Variants in NPLOC4 observed in about 807,000 individuals in gnomAD.
NPLOC4 encodes the protein nuclear protein localization protein 4 homolog.
NPLOC4 carries 18 observed loss-of-function variants against 80.6 expected under a neutral mutation model. That is an observed-to-expected ratio of 0.22 (90% CI 0.15 to 0.33). The LOEUF (loss-of-function observed/expected upper bound fraction) is 0.33. Among genes scored for constraint, NPLOC4 ranks in the 10% least tolerant of loss-of-function variants. The pLI is 1.00. For missense variants in NPLOC4, 540 were observed against 786.1 expected (o/e 0.69, Z 3.74); for synonymous variants, 313 against 301.5 (o/e 1.04, Z -0.39).
chr17:81,623,420 A>C (rs1228373782), intron 2 of NPLOC4, among the ~76,000 whole-genome samples: 3 of 136,430 alleles, frequency 2.2e-5, no homozygotes, highest in Non-Finnish European at 3.1e-5. Context: ...AGTCGAGATC[A>C]TGCCACTGCA....
chr17:81,566,147 C>T (rs913552047), intron 15 of NPLOC4, among the ~76,000 whole-genome samples: 2 of 152,134 alleles, frequency 1.3e-5, no homozygotes, highest in Non-Finnish European at 2.9e-5. Context: ...GCCTGGCAAA[C>T]GTGGCGAAAC....
intron 11 of NPLOC4, among the ~76,000 whole-genome samples, chr17:81,591,447 G>GAAAA (rs71367067): frequency 0.2 from 15,558 of 75,964 alleles, 2,759 homozygotes; most frequent in Non-Finnish European, 0.28. Context: ...GAGTAAAACA[G>GAAAA]AAAAAAAAAA....
At chr17:81,602,782 G>A (rs2035093469) in intron 8 of NPLOC4, among the ~76,000 whole-genome samples, 1 of 151,404 alleles carries the variant, frequency 6.6e-6, no homozygotes, top group Non-Finnish European at 1.5e-5. Context: ...GCTTATGCTT[G>A]TAATCCCAGA....
At chr17:81,621,351 A>G in intron 3 of NPLOC4, among the ~76,000 whole-genome samples, 1 of 152,204 alleles carries the variant, frequency 6.6e-6, no homozygotes, top group Middle Eastern at 3.2e-3. Flanking sequence ...TGTGAATCTA[A>G]AAGTGACCAA....
chr17:81,616,439 G>A (rs1476302750), intron 3 of NPLOC4, among the ~76,000 whole-genome samples: 1 of 151,706 alleles, frequency 6.6e-6, no homozygotes, highest in Non-Finnish European at 1.5e-5. Context: ...ATGTAGAAGA[G>A]TAACACATGG....
At chr17:81,575,476 G>A (rs1179824836) in intron 12 of NPLOC4, among the ~76,000 whole-genome samples, 1 of 152,196 alleles carries the variant, frequency 6.6e-6, no homozygotes, top group Non-Finnish European at 1.5e-5. Flanking sequence ...CACAGAACTG[G>A]CAGCTGGCAT....
chr17:81,636,102 A>T (rs1267239964), intron 1 of NPLOC4, among the ~76,000 whole-genome samples: 4 of 151,730 alleles, frequency 2.6e-5, no homozygotes, highest in Non-Finnish European at 4.4e-5. Flanking sequence ...CCTCCCAAGT[A>T]TCTGGGATTA....
In NPLOC4 at chr17:81,613,327, T is replaced by C; in HGVS notation, c.377A>G (p.Asp126Gly). The C allele has an allele frequency of 6.2e-7, 1 of 1,613,594 alleles. No homozygotes were observed. Among genetic ancestry groups the C allele is most frequent in the Non-Finnish European group, 8.5e-7 (1 of 1,179,740 alleles). Residue 126 changes from aspartate to glycine, a missense_variant, in exon 4 of 17, where the codon GAC (aspartate) becomes GGC (glycine). By Grantham distance (94) the Asp-to-Gly change is moderately conservative. Coordinates refer to ENST00000331134, the MANE Select transcript of NPLOC4 (RefSeq NM_017921.4). The part of the protein sequence containing the change: ...KQDGKIYRSR[D>G]PQLCRHGPLG... ...CTCATGGATCACTTACAGCTGTGGG[T>C]CTCGGCTTCTGTAAATCTTCCCGTC...
intron 6 of NPLOC4, among the ~76,000 whole-genome samples, chr17:81,608,134 G>T (rs1402935206): frequency 1.3e-5 from 2 of 152,238 alleles, no homozygotes; most frequent in African/African-American, 2.4e-5. Flanking sequence ...GTACCATGAG[G>T]ATTAGTGGCT....
intron 2 of NPLOC4, among the ~76,000 whole-genome samples, chr17:81,628,485 C>T (rs1313925288): frequency 6.6e-6 from 1 of 151,994 alleles, no homozygotes; most frequent in Non-Finnish European, 1.5e-5. Flanking sequence ...TGCACTCCAG[C>T]CTGGGCAACA....
chr17:81,565,602 G>A lies in NPLOC4; in HGVS notation c.1572C>T (p.Ser524=). The A allele has an allele frequency of 6.5e-7, 1 of 1,548,502 alleles. No individual in the cohort carries two copies. The highest frequency in any genetic ancestry group is 8.7e-7 in the Non-Finnish European group (1 of 1,147,762). ...GCACGGCCTCCAGCAGCAAGCTGAT[G>A]CTGTCCTACAAGAAGCCAAAAGGAA... is the stretch of plus-strand genomic sequence containing the variant. ...VTNEVMPLQD[S]ISLLLEAVRT... Residue 524 remains serine, a synonymous_variant, in exon 16 of 17, where the codon AGC becomes AGT. Coordinates refer to ENST00000331134, the MANE Select transcript of NPLOC4 (RefSeq NM_017921.4).
Position 81,600,421 on chromosome 17 carries a change from T to C in NPLOC4, c.841A>G (p.Thr281Ala), listed in dbSNP as rs1302677818. The C allele has an allele frequency of 2.5e-6, 4 of 1,611,384 alleles. No individual in the cohort carries two copies. Among genetic ancestry groups the C allele is most frequent in the African/African-American group, 1.3e-5 (1 of 74,808 alleles). Reference sequence around the variant, plus strand: ...TCAAGAAGCTCCAAGCTGTTCTGTGTACCAATCTGCAGGGAATCAAAGGGA... The same window carrying C: ...TCAAGAAGCTCCAAGCTGTTCTGTGCACCAATCTGCAGGGAATCAAAGGGA... ...AAIYEPPQIG[T>A]QNSLELLEDP... is the part of the protein sequence containing the mutation. Residue 281 changes from threonine (T) to alanine (A), a missense_variant, in exon 9 of 17, where the codon ACA becomes GCA. By Grantham distance (58) the Thr-to-Ala change is moderately conservative. This residue lies in a region of NPLOC4 where 251 missense variants were observed against 377.5 expected (regional missense o/e 0.66). Coordinates refer to ENST00000331134, the MANE Select transcript of NPLOC4 (RefSeq NM_017921.4).
At chr17:81,616,005 T>C (rs2035473894) in intron 3 of NPLOC4, among the ~76,000 whole-genome samples, 1 of 152,006 alleles carries the variant, frequency 6.6e-6, no homozygotes, top group Non-Finnish European at 1.5e-5. Flanking sequence ...CAAAAGCAAA[T>C]GCAAACCTCT....
intron 1 of NPLOC4, among the ~76,000 whole-genome samples, chr17:81,633,491 G>A (rs1382165494): frequency 6.6e-6 from 1 of 152,212 alleles, no homozygotes; most frequent in Non-Finnish European, 1.5e-5. Flanking sequence ...GCCAACTCCA[G>A]TATTTAACAA....
intron 16 of NPLOC4, among the ~76,000 whole-genome samples, chr17:81,559,742 T>G (rs1221660478): frequency 1.3e-5 from 2 of 148,948 alleles, no homozygotes; most frequent in Admixed American, 6.7e-5. Flanking sequence ...TTTTTTTTTT[T>G]TTTTTTCTGA....
chr17:81,626,708 G>A (rs1055071956), intron 2 of NPLOC4, among the ~76,000 whole-genome samples: 3 of 152,092 alleles, frequency 2.0e-5, no homozygotes, highest in Non-Finnish European at 4.4e-5. Context: ...TCACGTGGGA[G>A]GATCGTTTGA....
At position 81,559,157 on chromosome 17, in the gene NPLOC4, G is replaced by A. The variant is rs890377838; in HGVS notation, c.*102C>T. The A allele has an allele frequency of 3.0e-5, 39 of 1,313,718 alleles. No individual in the cohort carries two copies. The highest frequency in any genetic ancestry group is 5.3e-4 in the Middle Eastern group (2 of 3,778). 81.4% of individuals were successfully genotyped at this position (1,313,718 alleles called of 1,614,324 possible). On this transcript the variant is annotated 3_prime_UTR_variant, in exon 17 of 17. Transcript: ENST00000331134. ...ACAGCCAGCCCCTTGTTCCTCCAGGGCTGCCCACTATGGGGCAGTTACAGG... is the reference window on the plus strand; with the variant it reads ...ACAGCCAGCCCCTTGTTCCTCCAGGACTGCCCACTATGGGGCAGTTACAGG...
chr17:81,599,227 T>C (rs2035002258), intron 9 of NPLOC4, among the ~76,000 whole-genome samples: 1 of 151,638 alleles, frequency 6.6e-6, no homozygotes, highest in South Asian at 2.1e-4. Context: ...AGGCAGAGGT[T>C]GCAGTGAGCC....
chr17:81,636,752 G>A (rs994329137), intron 1 of NPLOC4, among the ~76,000 whole-genome samples, 164 bp downstream of exon 1: 3 of 151,992 alleles, frequency 2.0e-5, no homozygotes, highest in African/African-American at 7.3e-5. Context: ...CGAGGGGGGT[G>A]AAAGTCCCCG....
Sources: allele counts gnomAD v4.1 joint callset (sites outside exome capture counted in the v4.1 genomes callset), GRCh38; gene constraint gnomAD v4.1.1; regional missense constraint gnomAD v4.1.1; transcripts MANE v1.5; gene names NCBI Gene and HGNC (gene_info 2026-07-23, HGNC 2026-07-21).